Variants in TG observed in about 807,000 individuals in gnomAD.
TG encodes thyroid hormones.
Under a neutral mutation model 324.7 loss-of-function variants are expected in TG, and 270 were observed. That is an observed-to-expected ratio of 0.83 (90% CI 0.75 to 0.92). TG has a LOEUF of 0.92. TG is among the 40% of genes least tolerant of loss of function. The pLI, the probability that TG is intolerant of heterozygous loss-of-function variation, is 0.00. For missense variants in TG, 3,591 were observed against 3,456.4 expected (o/e 1.04, Z -0.98); for synonymous variants, 1,401 against 1,327.0 (o/e 1.06, Z -1.21).
chr8:133,003,939 C>T (rs890697581), intron 35 of TG, among the ~76,000 whole-genome samples: 1 of 152,234 alleles, frequency 6.6e-6, no homozygotes, highest in African/African-American at 2.4e-5. Context: ...TCACTTTTCC[C>T]TCCTATAAAG....
chr8:133,118,965 G>T (rs1016913850), intron 45 of TG, among the ~76,000 whole-genome samples: 2 of 152,178 alleles, frequency 1.3e-5, no homozygotes, highest in African/African-American at 4.8e-5. Flanking sequence ...GTCTACAGAA[G>T]AGAGAAGGCA....
rs1360517168 is a variant in TG, at chr8:132,886,536, G to C, written c.1164G>C (p.Leu388=). The change falls in exon 9 of 48, where the codon CTG becomes CTC. Residue 388 remains leucine (L), a synonymous_variant. Coordinates refer to ENST00000220616, the MANE Select transcript of TG (RefSeq NM_003235.5). ...GTSGYFSQHD[L]FSSPEKRWAS... ...CAGGCTACTTCAGCCAGCACGACCT[G>C]TTCTCTTCCCCAGAGAAAAGATGGG... 2 of 1,614,058 alleles carry C rather than the reference G, an allele frequency of 1.2e-6. No individual in the cohort carries two copies. The highest frequency in any genetic ancestry group is 3.3e-5 in the Admixed American group (2 of 60,010).
intron 41 of TG, among the ~76,000 whole-genome samples, chr8:133,093,938 C>T (rs1225327377): frequency 6.6e-6 from 1 of 152,186 alleles, no homozygotes; most frequent in Non-Finnish European, 1.5e-5. Flanking sequence ...TCGGAGCCCT[C>T]AATCCACAGT....
intron 24 of TG, 116 bp downstream of exon 24, chr8:132,933,792 C>T (rs567736226): frequency 2.3e-6 from 2 of 882,098 alleles, no homozygotes; most frequent in Non-Finnish European, 3.8e-6. Context: ...AGAGCTGATC[C>T]TCTGTTACCT....
At chr8:132,986,714 A>G (rs1051397698) in intron 35 of TG, among the ~76,000 whole-genome samples, 1 of 152,180 alleles carries the variant, frequency 6.6e-6, no homozygotes, top group African/African-American at 2.4e-5. Context: ...CCAGAAGACC[A>G]GATTATTTCC....
chr8:132,958,683 A>T (rs1587575368), intron 27 of TG, among the ~76,000 whole-genome samples: 1 of 151,258 alleles, frequency 6.6e-6, no homozygotes, highest in Non-Finnish European at 1.5e-5. Context: ...GTGCTGCTGC[A>T]CCAGGCAACA....
intron 43 of TG, among the ~76,000 whole-genome samples, chr8:133,105,865 T>A (rs1023264415): frequency 2.0e-5 from 3 of 151,974 alleles, no homozygotes; most frequent in Non-Finnish European, 2.9e-5. Flanking sequence ...AGGTGGGGGA[T>A]GGGGCGTCTA....
chr8:132,982,253 A>G (rs758354639), intron 34 of TG, among the ~76,000 whole-genome samples: 39 of 152,140 alleles, frequency 2.6e-4, no homozygotes, highest in Non-Finnish European at 4.6e-4. Context: ...TGGCAAACCA[A>G]TCTTGCCTGG....
At chr8:132,933,236 A>ATATT (rs1822994663) in intron 23 of TG, among the ~76,000 whole-genome samples, 1 of 1,826 alleles carries the variant, frequency 5.5e-4, no homozygotes, top group Non-Finnish European at 8.1e-4. Flanking sequence ...GTGTATTTGA[A>ATATT]TGTGTATTTC....
intron 41 of TG, chr8:133,047,655 C>T: frequency 1.6e-6 from 1 of 630,188 alleles, no homozygotes; most frequent in South Asian, 1.8e-5. Context: ...GTCTCTAGTC[C>T]CCTTGCTTCC....
chr8:133,002,924 T>C (rs1833678667), intron 35 of TG: 5 of 885,246 alleles, frequency 5.6e-6, no homozygotes, highest in Non-Finnish European at 6.9e-6. Context: ...CTGTGGGTTA[T>C]ACCTTTTTGA....
intron 45 of TG, among the ~76,000 whole-genome samples, chr8:133,117,471 TCTGTTCTA>T (rs1242523340): frequency 1.3e-5 from 2 of 152,190 alleles, no homozygotes; most frequent in African/African-American, 2.4e-5. Flanking sequence ...TATGGGGCTA[TCTGTTCTA>T]CTGCCCCATG....
In TG at chr8:133,029,948, G is replaced by T. The variant is rs759815380; in HGVS notation, c.7164G>T (p.Gly2388=). ...RRVSLAADRG[G]ADVASIHLLT... is the part of the protein sequence containing the mutation. ...TGTCCCTGGCAGCAGACCGTGGCGG[G>T]GCTGATGTGGCCAGCATCCACCTTC... Residue 2388 remains glycine, a synonymous_variant, in exon 41 of 48, where the codon GGG becomes GGT. Coordinates refer to ENST00000220616, the MANE Select transcript of TG (RefSeq NM_003235.5). 6.2e-7 allele frequency: 1 copy of T among 1,614,226 alleles called. No individual in the cohort carries two copies. The highest frequency in any genetic ancestry group is 8.5e-7 in the Non-Finnish European group (1 of 1,180,048).
chr8:132,940,956 CAG>C (rs1824354186), intron 25 of TG, among the ~76,000 whole-genome samples: 1 of 152,208 alleles, frequency 6.6e-6, no homozygotes, highest in Admixed American at 6.5e-5. Context: ...CTTGTGATAG[CAG>C]AGCAAGGCGG....
chr8:132,926,920 G>A (rs918585848), intron 22 of TG, among the ~76,000 whole-genome samples: 1 of 152,118 alleles, frequency 6.6e-6, no homozygotes, highest in East Asian at 1.9e-4. Context: ...TCCTGCTGCA[G>A]CTTCCTGGCA....
chr8:132,935,000 C>A (rs978939046), intron 24 of TG, among the ~76,000 whole-genome samples: 4 of 152,130 alleles, frequency 2.6e-5, no homozygotes, highest in African/African-American at 9.7e-5. Flanking sequence ...TCCCGTCACT[C>A]CCCTCTCATA....
intron 45 of TG, among the ~76,000 whole-genome samples, chr8:133,118,452 G>A (rs1850881906): frequency 6.6e-6 from 1 of 150,794 alleles, no homozygotes; most frequent in Non-Finnish European, 1.5e-5. Flanking sequence ...AGCCTCCCCA[G>A]TAGCTGGAAT....
chr8:132,935,643 C>A, intron 24 of TG, 113 bp from the exon 25 acceptor site: 1 of 932,854 alleles, frequency 1.1e-6, no homozygotes, highest in Non-Finnish European at 1.7e-6. Context: ...CCAGGAGCAA[C>A]TAACTTACCT....
At chr8:133,018,940 C>T (rs1174225813) in intron 38 of TG, among the ~76,000 whole-genome samples, 3 of 152,208 alleles carry the variant, frequency 2.0e-5, no homozygotes, top group African/African-American at 7.2e-5. Flanking sequence ...GGATTTCCAT[C>T]TGCTCCACTG....
Sources: allele counts gnomAD v4.1 joint callset (sites outside exome capture counted in the v4.1 genomes callset), GRCh38; gene constraint gnomAD v4.1.1; transcripts MANE v1.5; gene names NCBI Gene and HGNC (gene_info 2026-07-23, HGNC 2026-07-21).